Variants in GPHN observed in about 807,000 individuals in gnomAD.
GPHN encodes the protein gephyrin.
GPHN carries 17 observed loss-of-function variants against 95.5 expected under a neutral mutation model. The ratio of observed to expected loss-of-function variants is 0.18; its 90% CI spans 0.12 to 0.27. The LOEUF (loss-of-function observed/expected upper bound fraction) is 0.27, where lower values mean the gene tolerates loss of function less well. Ranked by LOEUF, GPHN falls within the 10% of genes least tolerant of loss-of-function variation. The pLI is 1.00. For synonymous variants in GPHN, 320 were observed against 322.5 expected, an observed-to-expected ratio of 0.99 and a Z score of 0.08; for missense variants, 660 against 978.1, an observed-to-expected ratio of 0.67 and a Z score of 4.34.
chr14:67,336,374 T>G, the GPHN span: 1 of 187,440 alleles, frequency 5.3e-6, no homozygotes, highest in East Asian at 1.5e-4. Context: ...ACACAACAAA[T>G]TATGTGTCCA....
At chr14:67,459,157 G>A in the GPHN span, among the ~76,000 whole-genome samples, 1 of 152,100 alleles carries the variant, frequency 6.6e-6, no homozygotes, top group Admixed American at 6.5e-5. Flanking sequence ...CAAAGTGCTG[G>A]GATTATAGGC....
the GPHN span, among the ~76,000 whole-genome samples, chr14:67,253,953 ATTTTG>A: frequency 5.0e-5 from 7 of 138,666 alleles, no homozygotes; most frequent in Admixed American, 4.4e-4. Flanking sequence ...TTGTGTTAAT[ATTTTG>A]TTTTGTTTTT....
the GPHN span, chr14:67,473,278 G>T: frequency 2.6e-5 from 31 of 1,198,322 alleles, no homozygotes; most frequent in Non-Finnish European, 3.5e-5. This position sits in a 1 kb window ranked among gnomAD's most constrained non-coding sequence, Gnocchi z 6.5. Context: ...CCCCGCGGAC[G>T]TTAGGGGGCT....
intron 2 of GPHN, among the ~76,000 whole-genome samples, chr14:66,688,713 G>C (rs2067566994): frequency 6.6e-6 from 1 of 152,098 alleles, no homozygotes; most frequent in African/African-American, 2.4e-5. Flanking sequence ...TAATTGTTAT[G>C]ACTGGGACTT....
chr14:66,890,293 A>C (rs2064409898), intron 5 of GPHN, among the ~76,000 whole-genome samples: 1 of 151,910 alleles, frequency 6.6e-6, no homozygotes, highest in Non-Finnish European at 1.5e-5. Context: ...CTGTAGTCCC[A>C]GCTACTCAGG....
the GPHN span, chr14:67,576,466 G>A: frequency 1.4e-5 from 23 of 1,606,724 alleles, no homozygotes; most frequent in South Asian, 3.3e-5. This position sits in a 1 kb window ranked among gnomAD's most constrained non-coding sequence, Gnocchi z 4.0. Context: ...CCTATGAGCA[G>A]CTCATTGGAA....
At chr14:67,675,117 G>T in the GPHN span, among the ~76,000 whole-genome samples, 10 of 152,190 alleles carry the variant, frequency 6.6e-5, no homozygotes, top group Admixed American at 1.3e-4. Context: ...TTGACTGTTA[G>T]CTTTCGGCCC....
chr14:67,276,944 A>G, the GPHN span, among the ~76,000 whole-genome samples: 1 of 152,318 alleles, frequency 6.6e-6, no homozygotes, highest in East Asian at 1.9e-4. Flanking sequence ...TATTAGTTAA[A>G]AACACATCAT....
At chr14:67,567,270 A>T in the GPHN span, among the ~76,000 whole-genome samples, 1 of 152,180 alleles carries the variant, frequency 6.6e-6, no homozygotes, top group African/African-American at 2.4e-5. Context: ...GTCAGAGAAC[A>T]TTTCTCAATC....
chr14:66,691,591 A>G (rs540873475), intron 2 of GPHN, among the ~76,000 whole-genome samples: 58 of 152,216 alleles, frequency 3.8e-4, no homozygotes, highest in Non-Finnish European at 6.3e-4. Flanking sequence ...ACAGCCATGC[A>G]TAGTGTTTAC....
At chr14:67,356,305 CA>C in the GPHN span, among the ~76,000 whole-genome samples, 1 of 151,868 alleles carries the variant, frequency 6.6e-6, no homozygotes. Flanking sequence ...CCTGTGGTCC[CA>C]GCTACTCAGG....
intron 2 of GPHN, among the ~76,000 whole-genome samples, chr14:66,746,361 G>T (rs2058150854): frequency 6.6e-6 from 1 of 152,068 alleles, no homozygotes; most frequent in Non-Finnish European, 1.5e-5. Flanking sequence ...GTCTTATTTA[G>T]ATCCTGTGGA....
chr14:67,583,805 C>A, the GPHN span: 1 of 1,612,984 alleles, frequency 6.2e-7, no homozygotes, highest in Non-Finnish European at 8.5e-7. Context: ...CCTGCCAAGG[C>A]TCAGCATCTT....
intron 21 of GPHN, among the ~76,000 whole-genome samples, chr14:67,176,124 A>G (rs935335920): frequency 6.6e-6 from 1 of 152,134 alleles, no homozygotes; most frequent in Non-Finnish European, 1.5e-5. Flanking sequence ...TTGAATAGGA[A>G]TGGTGAGAGA....
intron 1 of GPHN, among the ~76,000 whole-genome samples, chr14:66,640,971 T>C (rs538492923): frequency 1.3e-5 from 2 of 152,264 alleles, no homozygotes; most frequent in Admixed American, 1.3e-4. Context: ...TCAGGCTGTA[T>C]AAAACAAGTA....
At chr14:66,693,620 G>A (rs1357585980) in intron 2 of GPHN, among the ~76,000 whole-genome samples, 1 of 152,126 alleles carries the variant, frequency 6.6e-6, no homozygotes, top group East Asian at 1.9e-4. Context: ...GCTCTATTTC[G>A]GTCCCCTCTA....
At chr14:66,817,379 A>G (rs1295145184) in intron 3 of GPHN, among the ~76,000 whole-genome samples, 1 of 152,192 alleles carries the variant, frequency 6.6e-6, no homozygotes, top group Non-Finnish European at 1.5e-5. Context: ...GCTTACCTTT[A>G]GAACTATTTT....
intron 18 of GPHN, among the ~76,000 whole-genome samples, chr14:67,152,313 C>T (rs2081327695): frequency 6.6e-6 from 1 of 152,058 alleles, no homozygotes; most frequent in Non-Finnish European, 1.5e-5. Flanking sequence ...ATTATTGAAC[C>T]TTCACTATAT....
intron 8 of GPHN, among the ~76,000 whole-genome samples, chr14:66,944,305 T>G (rs1298315488): frequency 6.6e-6 from 1 of 152,042 alleles, no homozygotes; most frequent in African/African-American, 2.4e-5. Flanking sequence ...CACACAAATA[T>G]CAAACTGGAA....
Sources: gnomAD v4.1 joint callset for allele counts (sites outside exome capture counted in the v4.1 genomes callset) on GRCh38, gnomAD v4.1.1 for gene constraint, Gnocchi (gnomAD v3.1) non-coding constraint, MANE v1.5 for transcripts, NCBI Gene and HGNC (gene_info 2026-07-23, HGNC 2026-07-21) for gene names.